ITGA4: variants seen among roughly 807,000 people sequenced by gnomAD.
ITGA4 encodes integrin alpha-4.
A neutral mutation model predicts 133.6 loss-of-function variants in ITGA4; 63 were observed. The ratio of observed to expected loss-of-function variants is 0.47; its 90% CI spans 0.38 to 0.58. The LOEUF is 0.58. Ranked by LOEUF, ITGA4 falls within the 20% of genes least tolerant of loss-of-function variation. The pLI is 0.00. For missense variants in ITGA4, 1,076 were observed against 1,252.7 expected (o/e 0.86, Z 2.13); for synonymous variants, 483 against 438.0 (o/e 1.10, Z -1.28).
chr2:181,531,925 C>T, intron 25 of ITGA4, 149 bp downstream of exon 25: 1 of 510,990 alleles, frequency 2.0e-6, no homozygotes, highest in Non-Finnish European at 3.4e-6. Context: ...GTATTTCTAT[C>T]ACTTCAACTA....
chr2:181,534,773 T>TC, intron 26 of ITGA4, 43 bp from the exon 27 acceptor site: 1 of 1,534,424 alleles, frequency 6.5e-7, no homozygotes, highest in East Asian at 2.3e-5. Flanking sequence ...TAAACTGATT[T>TC]TTTTTTTTGG....
At chr2:181,504,387 A>G (rs1574401174) in intron 15 of ITGA4, among the ~76,000 whole-genome samples, 1 of 152,200 alleles carries the variant, frequency 6.6e-6, no homozygotes, top group East Asian at 1.9e-4. Flanking sequence ...TAGTTTCAGG[A>G]AAACGTGTAT....
At chr2:181,534,144 A>G (rs918010369) in intron 25 of ITGA4, 128 bp from the exon 26 acceptor site, 6 of 603,240 alleles carry the variant, frequency 9.9e-6, no homozygotes, top group Non-Finnish European at 1.5e-5. Context: ...CACTGCAGTT[A>G]ATTTTAAGTG....
intron 2 of ITGA4, among the ~76,000 whole-genome samples, chr2:181,466,264 C>G (rs765837154): frequency 6.6e-6 from 1 of 151,888 alleles, no homozygotes; most frequent in African/African-American, 2.4e-5. Context: ...ACATTTACCT[C>G]TTGAACTCTT....
chr2:181,482,266 G>T, intron 7 of ITGA4, 94 bp from the exon 8 acceptor site: 1 of 1,260,210 alleles, frequency 7.9e-7, no homozygotes, highest in African/African-American at 1.5e-5. Context: ...TTAACTGCAA[G>T]TTGTAAAAAT....
chr2:181,493,470 T>G, intron 11 of ITGA4, 51 bp downstream of exon 11: 1 of 1,098,556 alleles, frequency 9.1e-7, no homozygotes, highest in Non-Finnish European at 1.4e-6. Context: ...ATGCATATCC[T>G]TAAAACTTCC....
chr2:181,502,122 T>A (rs1223449885), intron 15 of ITGA4, among the ~76,000 whole-genome samples: 1 of 151,914 alleles, frequency 6.6e-6, no homozygotes, highest in East Asian at 1.9e-4. Flanking sequence ...CATGATGATG[T>A]TTTCTATACT....
chr2:181,537,268 A>C lies in ITGA4; in HGVS notation c.*1741A>C, dbSNP rs1416683494. The C allele has an allele frequency of 2.2e-6, 1 of 453,690 alleles. No individual in the cohort carries two copies. Among genetic ancestry groups the C allele is most frequent in the Admixed American group, 2.4e-5 (1 of 42,532 alleles). The allele number at this position is 453,690 out of a possible 1,614,324, so 28.1% of individuals were successfully genotyped here. On this transcript the variant is annotated 3_prime_UTR_variant, in exon 28 of 28. Transcript: ENST00000397033. ...ATTTACATTTGGTTCTTTCCTACTC[A>C]GAACTACTCAGAAACAACTATATAT...
intron 6 of ITGA4, 130 bp downstream of exon 6, chr2:181,480,396 C>A: frequency 2.2e-6 from 1 of 445,320 alleles, no homozygotes; most frequent in East Asian, 3.7e-5. Context: ...TTAGGCAGTT[C>A]AGAAACTGTC....
rs139763165 is a variant in ITGA4 at position 181,465,198 on chromosome 2, C to T, written c.319+6881C>T. Among the ~76,000 whole-genome samples the T allele has an allele frequency of 3.1e-3, 467 of 152,210 alleles. 3 individuals are homozygous for T. The highest frequency in any genetic ancestry group is 0.01 in the African/African-American group (418 of 41,548). ...TTTCTTGCGGAAGTTTTCTAGAAGT[C>T]ATTAGACTACAATCATTTTGTCTGC... On this transcript the variant is annotated intron_variant, in intron 2 of 27. Coordinates refer to ENST00000397033, the MANE Select transcript of ITGA4 (RefSeq NM_000885.6).
intron 4 of ITGA4, among the ~76,000 whole-genome samples, chr2:181,478,399 CTATG>C (rs1220269502): frequency 6.6e-6 from 1 of 151,990 alleles, no homozygotes; most frequent in Non-Finnish European, 1.5e-5. Context: ...AACTGTTTCA[CTATG>C]TATACGCATA....
Position 181,521,315 on chromosome 2 carries a change from A to G in ITGA4, c.1923-876A>G, listed in dbSNP as rs186097552. The stretch of plus-strand genomic sequence containing the variant: ...AAAGAATGAACTGTAGAAATTTGCA[A>G]TTGTTTCAAGACTTCAGAACATTCT... On this transcript the variant is annotated intron_variant, in intron 17 of 27. Transcript: ENST00000397033. Among the ~76,000 whole-genome samples, 474 of 152,262 alleles carry G rather than the reference A, an allele frequency of 3.1e-3. 3 individuals are homozygous for G. Among genetic ancestry groups the G allele is most frequent in the African/African-American group, 0.011 (443 of 41,574 alleles).
chr2:181,478,908 A>C (rs992142856), intron 5 of ITGA4, 84 bp downstream of exon 5: 1 of 663,668 alleles, frequency 1.5e-6, no homozygotes, highest in African/African-American at 1.9e-5. Context: ...GATATGTTTT[A>C]AAGTAAAAAT....
In ITGA4 at chr2:181,538,581, G is replaced by T. The variant is rs918208603; in HGVS notation, c.*3054G>T. 2.0e-5 allele frequency among the ~76,000 whole-genome samples: 3 copies of T among 152,122 alleles called. No individual in the cohort carries two copies. Among genetic ancestry groups the T allele is most frequent in the African/African-American group, 7.2e-5 (3 of 41,422 alleles). ...CACAATGCCTACCAAGAATGCGTTT[G>T]CAGGTTCCTAAACCTGTTTATACCA... On this transcript the variant is annotated 3_prime_UTR_variant, in exon 28 of 28. Coordinates refer to ENST00000397033, the MANE Select transcript of ITGA4 (RefSeq NM_000885.6).
At chr2:181,515,556 AG>A (rs1686587780) in intron 17 of ITGA4, among the ~76,000 whole-genome samples, 1 of 152,076 alleles carries the variant, frequency 6.6e-6, no homozygotes, top group African/African-American at 2.4e-5. Flanking sequence ...CAGTCTTACA[AG>A]GTTTGAAGTG....
chr2:181,523,219 C>T lies in ITGA4; in HGVS notation c.2074-218C>T, dbSNP rs1677083908. ...ATATATACACACACATATATACACA[C>T]ATATATACATACATATATATACACA... On this transcript the variant is annotated intron_variant, in intron 18 of 27. Transcript: ENST00000397033. This position sits in a 1 kb window ranked among gnomAD's most constrained non-coding sequence, Gnocchi z 4.2. The T allele has an allele frequency of 4.9e-6, 2 of 410,728 alleles. No homozygotes were observed. Among genetic ancestry groups the T allele is most frequent in the African/African-American group, 4.1e-5 (2 of 48,950 alleles). The allele number at this position is 410,728 out of a possible 1,614,324, so 25.4% of individuals were successfully genotyped here. A position where few individuals can be genotyped will look rare whatever the true frequency, so the allele number is the denominator to read the frequency against.
chr2:181,476,085 G>C, intron 4 of ITGA4: 1 of 390,118 alleles, frequency 2.6e-6, no homozygotes. Flanking sequence ...ATAAGACTTT[G>C]GTCTTTCTTC....
chr2:181,535,509 TAA>T lies in ITGA4; in HGVS notation c.3084_3085del (p.Ser1029GlnfsTer2). 6.2e-7 allele frequency: 1 copy of T among 1,609,184 alleles called. No individual in the cohort carries two copies. Among genetic ancestry groups the T allele is most frequent in the Non-Finnish European group, 8.5e-7 (1 of 1,177,386 alleles). On this transcript the variant is annotated frameshift_variant, in exon 28 of 28. Coordinates refer to ENST00000397033, the MANE Select transcript of ITGA4 (RefSeq NM_000885.6). LOFTEE classifies it high-confidence loss of function. ...GAGACAGTTGGAGTTATATCAACAG[TAA>T]AAGCAATGATGATTAAGGACTTCTT... ...RRDSWSYINS[K>X]SNDD is the part of the protein sequence containing the mutation.
chr2:181,488,436 AT>A (rs1452061289), intron 10 of ITGA4, among the ~76,000 whole-genome samples: 1 of 152,118 alleles, frequency 6.6e-6, no homozygotes, highest in African/African-American at 2.4e-5. Context: ...ATTCCTGCAT[AT>A]TTTTGTGCTA....
Sources: allele counts gnomAD v4.1 joint callset (sites outside exome capture counted in the v4.1 genomes callset), GRCh38; gene constraint gnomAD v4.1.1; non-coding constraint Gnocchi (gnomAD v3.1); transcripts MANE v1.5; gene names NCBI Gene and HGNC (gene_info 2026-07-23, HGNC 2026-07-21).